TFDP2: variants seen among roughly 807,000 people sequenced by gnomAD.
TFDP2 encodes transcription factor Dp-2 (E2F dimerization partner 2).
Under a neutral mutation model 59.3 loss-of-function variants are expected in TFDP2, and 17 were observed. The ratio of observed to expected loss-of-function variants is 0.29; its 90% CI spans 0.20 to 0.43. The LOEUF (loss-of-function observed/expected upper bound fraction) is 0.43. Among genes scored for constraint, TFDP2 ranks in the 20% least tolerant of loss-of-function variants. The pLI, the probability that TFDP2 is intolerant of heterozygous loss-of-function variation, is 1.00. For synonymous variants in TFDP2, 180 were observed against 194.7 expected (o/e 0.92, Z 0.63); for missense variants, 391 against 528.8 (o/e 0.74, Z 2.56).
chr3:142,098,751 A>G (rs2061238880), intron 2 of TFDP2, among the ~76,000 whole-genome samples: 1 of 152,092 alleles, frequency 6.6e-6, no homozygotes, highest in Non-Finnish European at 1.5e-5. Flanking sequence ...TTAAAACACA[A>G]AAGTTCTCTC....
intron 1 of TFDP2, among the ~76,000 whole-genome samples, chr3:142,103,073 T>C (rs1025136335): frequency 6.6e-6 from 1 of 151,952 alleles, no homozygotes; most frequent in Admixed American, 6.6e-5. Context: ...CCTTCTCTAC[T>C]AAAAATACAA....
intron 6 of TFDP2, among the ~76,000 whole-genome samples, chr3:141,984,389 T>C (rs750970870): frequency 2.5e-4 from 38 of 151,988 alleles, no homozygotes; most frequent in Non-Finnish European, 4.3e-4. Context: ...CTCAGCTACT[T>C]GGGAGGCTGA....
intron 11 of TFDP2, among the ~76,000 whole-genome samples, chr3:141,959,373 A>G (rs1937079083): frequency 6.6e-6 from 1 of 152,134 alleles, no homozygotes; most frequent in South Asian, 2.1e-4. Context: ...TACTCTAACT[A>G]GGCTCTAAGC....
chr3:142,081,336 G>A (rs181012888), intron 3 of TFDP2, among the ~76,000 whole-genome samples: 110 of 152,192 alleles, frequency 7.2e-4, no homozygotes, highest in African/African-American at 2.6e-3. Context: ...AGTGAAAGAA[G>A]CACTAAGAGG....
At chr3:141,982,321 G>A (rs547717795) in intron 6 of TFDP2, among the ~76,000 whole-genome samples, 1 of 152,242 alleles carries the variant, frequency 6.6e-6, no homozygotes, top group African/African-American at 2.4e-5. Flanking sequence ...GCCAGGAAAA[G>A]AACTGGTTAA....
chr3:142,147,058 CAAA>C (rs3070389), intron 1 of TFDP2, among the ~76,000 whole-genome samples: 17 of 105,076 alleles, frequency 1.6e-4, no homozygotes, highest in East Asian at 7.6e-4. Flanking sequence ...AACCCTGTCT[CAAA>C]AAAAAAAAAA....
At chr3:141,964,009 G>T in intron 9 of TFDP2, 46 bp from the exon 10 acceptor site, 4 of 1,555,330 alleles carry the variant, frequency 2.6e-6, no homozygotes, top group Non-Finnish European at 3.5e-6. Flanking sequence ...GCATAAGTGA[G>T]TTGGAATTTA....
At chr3:142,059,169 C>T (rs2059836245) in intron 3 of TFDP2, among the ~76,000 whole-genome samples, 1 of 152,168 alleles carries the variant, frequency 6.6e-6, no homozygotes, top group South Asian at 2.1e-4. Context: ...CATAGATATG[C>T]TTTGATCAAT....
chr3:142,116,064 CTTTTTTT>C (rs200540799), intron 1 of TFDP2, among the ~76,000 whole-genome samples: 1 of 144,670 alleles, frequency 6.9e-6, no homozygotes, highest in African/African-American at 2.5e-5. Flanking sequence ...CATTTTGCAA[CTTTTTTT>C]TTTTTTTTCT....
chr3:142,061,921 C>CT (rs1560101475), intron 3 of TFDP2, among the ~76,000 whole-genome samples: 3 of 150,902 alleles, frequency 2.0e-5, no homozygotes, highest in Non-Finnish European at 4.4e-5. Flanking sequence ...CACACACACA[C>CT]ACACACACAC....
intron 3 of TFDP2, among the ~76,000 whole-genome samples, chr3:142,083,031 A>T (rs1182241520): frequency 6.6e-6 from 1 of 151,856 alleles, no homozygotes; most frequent in African/African-American, 2.4e-5. Flanking sequence ...CATTCAGACA[A>T]GAGATAAAAA....
chr3:141,980,070 C>T (rs771258736), intron 6 of TFDP2, among the ~76,000 whole-genome samples: 42 of 151,136 alleles, frequency 2.8e-4, no homozygotes, highest in Non-Finnish European at 5.3e-4. Context: ...CACCATGCCT[C>T]GCTAATTTCT....
In TFDP2 at chr3:141,993,531, T is replaced by C. The variant is rs1405930678; in HGVS notation, c.356+7A>G. ...CTTCCAAACAAAATAGTTAGACTTA[T>C]ACTCACCTTTCTGAAAAATCAGAGT... On this transcript the variant is annotated splice_region_variant and intron_variant, in intron 6 of 12. Transcript: ENST00000489671. 6 of 1,572,240 alleles carry C rather than the reference T, an allele frequency of 3.8e-6. No homozygotes were observed. Among genetic ancestry groups the C allele is most frequent in the South Asian group, 1.2e-5 (1 of 86,132 alleles).
chr3:142,021,365 C>A (rs1945589291), intron 3 of TFDP2, among the ~76,000 whole-genome samples: 1 of 152,122 alleles, frequency 6.6e-6, no homozygotes, highest in Non-Finnish European at 1.5e-5. Context: ...GAAGGAAAAG[C>A]CTGAATGTTT....
In TFDP2 at chr3:141,947,967, C is replaced by T. The variant is rs989539619; in HGVS notation, c.*4546G>A. On this transcript the variant is annotated 3_prime_UTR_variant, in exon 13 of 13. Transcript: ENST00000489671. ...CACAGCACTCATCAATCAATCTGCA[C>T]GTGTTCCATCTGTGATCAAGTTTCC... is the stretch of plus-strand genomic sequence containing the variant. 2.6e-5 allele frequency: 4 copies of T among 152,262 alleles called. No homozygotes were observed. The highest frequency in any genetic ancestry group is 4.4e-5 in the Non-Finnish European group (3 of 68,074). 9.4% of individuals were successfully genotyped at this position (152,262 alleles called of 1,614,324 possible). A position where few individuals can be genotyped will look rare whatever the true frequency, so the allele number is the denominator to read the frequency against.
At chr3:142,086,001 T>G (rs2060801469) in intron 3 of TFDP2, among the ~76,000 whole-genome samples, 1 of 152,186 alleles carries the variant, frequency 6.6e-6, no homozygotes, top group Non-Finnish European at 1.5e-5. Flanking sequence ...TTATTCATGC[T>G]TATCATTTCT....
Position 142,101,745 on chromosome 3 carries a change from G to A in TFDP2, c.5C>T (p.Thr2Met), listed in dbSNP as rs755075231. ...TTTACAAATACTTACATTTTTTGCC[G>A]TCATGTCAAACTGTATTCTATTTAA... The part of the protein sequence containing the change: M[T>M]AKNVGLTSTN... The change falls in exon 2 of 13, where the codon ACG (threonine) becomes ATG (methionine). Residue 2 changes from threonine (T) to methionine (M), a missense_variant. Transcript: ENST00000489671. 141 of 1,347,016 alleles carry A rather than the reference G, an allele frequency of 1.0e-4. No homozygotes were observed. The highest frequency in any genetic ancestry group is 1.2e-4 in the Non-Finnish European group (120 of 1,019,550). The allele number at this position is 1,347,016 out of a possible 1,614,324, so 83.4% of individuals were successfully genotyped here.
chr3:142,056,364 G>T (rs2059745780), intron 3 of TFDP2, among the ~76,000 whole-genome samples: 1 of 151,382 alleles, frequency 6.6e-6, no homozygotes, highest in African/African-American at 2.4e-5. Flanking sequence ...CACCCTAGTG[G>T]GAAGATACTG....
At chr3:141,964,058 T>G (rs1026688138) in intron 9 of TFDP2, 95 bp from the exon 10 acceptor site, 1 of 1,238,546 alleles carries the variant, frequency 8.1e-7, no homozygotes, top group East Asian at 2.6e-5. Flanking sequence ...AGTTTAAAAT[T>G]AGAGTTTAAA....
Sources: gnomAD v4.1 joint callset for allele counts (sites outside exome capture counted in the v4.1 genomes callset) on GRCh38, gnomAD v4.1.1 for gene constraint, MANE v1.5 for transcripts, NCBI Gene and HGNC (gene_info 2026-07-23, HGNC 2026-07-21) for gene names.